Variants in CMIP observed in about 807,000 individuals in gnomAD.
The protein encoded by CMIP is C-Maf-inducing protein.
In CMIP, 13 loss-of-function variants were observed where a neutral mutation model predicts 97.3. That is an observed-to-expected ratio of 0.13 (90% CI 0.09 to 0.21). The LOEUF is 0.21. Ranked by LOEUF, CMIP falls within the 10% of genes least tolerant of loss-of-function variation. The pLI, the probability that CMIP is intolerant of heterozygous loss-of-function variation, is 1.00. For missense variants in CMIP, 847 were observed against 1,024.9 expected, an observed-to-expected ratio of 0.83 and a Z score of 2.37; for synonymous variants, 538 against 436.3, an observed-to-expected ratio of 1.23 and a Z score of -2.91.
chr16:81,650,599 G>A (rs1049483334), intron 3 of CMIP, among the ~76,000 whole-genome samples: 4 of 152,008 alleles, frequency 2.6e-5, no homozygotes, highest in Non-Finnish European at 4.4e-5. Context: ...TGGAGAGGAG[G>A]AAGATGGGAT....
chr16:81,479,184 C>T (rs889089607), intron 1 of CMIP, among the ~76,000 whole-genome samples: 10 of 152,188 alleles, frequency 6.6e-5, no homozygotes, highest in African/African-American at 2.4e-4. Context: ...GCGTAGCCTC[C>T]ATCCTGTTTG....
chr16:81,698,521 G>C (rs2317417), intron 14 of CMIP, among the ~76,000 whole-genome samples: 30,820 of 152,028 alleles, frequency 0.2, 3,167 homozygotes, highest in African/African-American at 0.21. Context: ...AAGTTTCTAC[G>C]TGGTTCCAGC....
chr16:81,691,540 G>A (rs1597256063), intron 10 of CMIP: 2 of 581,564 alleles, frequency 3.4e-6, no homozygotes, highest in East Asian at 5.8e-5. Flanking sequence ...GGAATAGACA[G>A]CTCACCCCCT....
At chr16:81,537,242 C>T (rs1597523829) in intron 1 of CMIP, among the ~76,000 whole-genome samples, 1 of 152,082 alleles carries the variant, frequency 6.6e-6, no homozygotes, top group Admixed American at 6.6e-5. Flanking sequence ...TGGATAGAAA[C>T]GCCCCATATA....
rs118054417 is a variant in CMIP, at chr16:81,486,483, C to T, written c.300+40942C>T. ...CAGTGGCAACTAGGAAATTGCACTT[C>T]GGGTCCTCGCTGGAGTTCATTCAGG... is the stretch of plus-strand genomic sequence containing the variant. On this transcript the variant is annotated intron_variant, in intron 1 of 20. Transcript: ENST00000537098. Among the ~76,000 whole-genome samples the T allele has an allele frequency of 2.5e-3, 384 of 152,292 alleles. 1 individual carries two copies. Among genetic ancestry groups the T allele is most frequent in the Non-Finnish European group, 4.0e-3 (270 of 68,020 alleles).
intron 10 of CMIP, among the ~76,000 whole-genome samples, chr16:81,688,849 C>T (rs1905725585): frequency 6.6e-6 from 1 of 152,182 alleles, no homozygotes; most frequent in African/African-American, 2.4e-5. Flanking sequence ...TGATGTTCCC[C>T]ACCCCGTGGC....
At position 81,614,462 on chromosome 16, in the gene CMIP, C is replaced by T. The variant is rs561531711; in HGVS notation, c.427-6414C>T. 2.6e-5 allele frequency among the ~76,000 whole-genome samples: 4 copies of T among 152,178 alleles called. No individual in the cohort carries two copies. In the South Asian group the frequency reaches 8.3e-4, roughly 32 times the overall value. ...TTGGCCTGTGTGCTTGCCAGGAGCCCGGAGGGAAGAGACCTGGAAATGACA... is the reference window on the plus strand; with the variant it reads ...TTGGCCTGTGTGCTTGCCAGGAGCCTGGAGGGAAGAGACCTGGAAATGACA... On this transcript the variant is annotated intron_variant, in intron 2 of 20. Transcript: ENST00000537098. This position sits in a 1 kb window ranked among gnomAD's most constrained non-coding sequence, Gnocchi z 5.3.
chr16:81,629,477 C>T (rs1567620395), intron 3 of CMIP, among the ~76,000 whole-genome samples: 1 of 152,220 alleles, frequency 6.6e-6, no homozygotes, highest in African/African-American at 2.4e-5. Flanking sequence ...ATCCCTTGGT[C>T]TTGAGGGAAG....
intron 9 of CMIP, among the ~76,000 whole-genome samples, chr16:81,672,334 T>G (rs1010988842): frequency 6.6e-6 from 1 of 152,240 alleles, no homozygotes; most frequent in Non-Finnish European, 1.5e-5. Flanking sequence ...ACAGATGTTT[T>G]ATGCTGAAGA....
At chr16:81,636,319 G>A (rs546590098) in intron 3 of CMIP, among the ~76,000 whole-genome samples, 21 of 152,166 alleles carry the variant, frequency 1.4e-4, no homozygotes, top group Admixed American at 3.9e-4. Flanking sequence ...GTGGTGGCTC[G>A]TGCCTGTAAT....
rs778368895 is a variant in CMIP, at chr16:81,627,969, C to A, written c.477+7043C>A. Among the ~76,000 whole-genome samples the A allele has an allele frequency of 6.6e-6, 1 of 152,146 alleles. No homozygotes were observed. The highest frequency in any genetic ancestry group is 1.5e-5 in the Non-Finnish European group (1 of 68,012). On this transcript the variant is annotated intron_variant, in intron 3 of 20. Coordinates refer to ENST00000537098, the MANE Select transcript of CMIP (RefSeq NM_198390.3). This position sits in a 1 kb window ranked among gnomAD's most constrained non-coding sequence, Gnocchi z 4.6. ...GGGCAGGGCCTGGGTCATGTCCCCA[C>A]TGGCTGCACCCTCAGGAGGGCGGGA... is the stretch of plus-strand genomic sequence containing the variant.
intron 1 of CMIP, among the ~76,000 whole-genome samples, chr16:81,587,188 T>G (rs1254777481): frequency 6.6e-6 from 1 of 152,200 alleles, no homozygotes; most frequent in Non-Finnish European, 1.5e-5. Context: ...GCATGACTCA[T>G]TACCACGGGG....
intron 1 of CMIP, among the ~76,000 whole-genome samples, chr16:81,560,306 C>T (rs1334731547): frequency 3.3e-5 from 5 of 151,514 alleles, no homozygotes; most frequent in African/African-American, 4.8e-5. Context: ...GCAAGCTCCG[C>T]CTCCCGGGTT....
intron 1 of CMIP, among the ~76,000 whole-genome samples, chr16:81,561,773 G>C (rs1370881267): frequency 2.0e-5 from 3 of 152,218 alleles, no homozygotes; most frequent in Admixed American, 2.0e-4. Flanking sequence ...GTAGCCATTG[G>C]AATTTAAATT....
At chr16:81,526,698 G>A (rs1206255306) in intron 1 of CMIP, among the ~76,000 whole-genome samples, 1 of 152,118 alleles carries the variant, frequency 6.6e-6, no homozygotes, top group African/African-American at 2.4e-5. Flanking sequence ...ACTACCAAGG[G>A]GTCCAAGGCA....
At chr16:81,580,388 C>A (rs942919534) in intron 1 of CMIP, among the ~76,000 whole-genome samples, 1 of 151,922 alleles carries the variant, frequency 6.6e-6, no homozygotes, top group East Asian at 1.9e-4. Context: ...TGAAATTGCC[C>A]ACTTAATTTA....
rs185076638 is a variant in CMIP at position 81,517,994 on chromosome 16, G to A, written c.300+72453G>A. The A allele has an allele frequency of 2.0e-4, 157 of 779,898 alleles. 2 individuals are homozygous for A. Among genetic ancestry groups the A allele is most frequent in the Non-Finnish European group, 2.2e-4 (140 of 642,112 alleles). The allele number at this position is 779,898 out of a possible 1,614,324, so 48.3% of individuals were successfully genotyped here. ...GGAATTTTTTCACAAAGTAAGTGAC[G>A]GGGGTCCCTTTGCACTTCTCATGCC... On this transcript the variant is annotated intron_variant, in intron 1 of 20. Transcript: ENST00000537098.
rs531870678 is a variant in CMIP at position 81,639,416 on chromosome 16, T to A, written c.478-12787T>A. Among the ~76,000 whole-genome samples, 336 of 152,028 alleles carry A rather than the reference T, an allele frequency of 2.2e-3. 4 individuals are homozygous for A. Among genetic ancestry groups the A allele is most frequent in the African/African-American group, 7.8e-3 (324 of 41,466 alleles). On this transcript the variant is annotated intron_variant, in intron 3 of 20. Transcript: ENST00000537098. ...TGGAAACTCTGTCCCCATTACCCCCTCCCCCAGCCCCTGGCATCCACCATT... is the reference window on the plus strand; with the variant it reads ...TGGAAACTCTGTCCCCATTACCCCCACCCCCAGCCCCTGGCATCCACCATT...
intron 19 of CMIP, among the ~76,000 whole-genome samples, chr16:81,706,665 C>T (rs958468767): frequency 3.9e-5 from 6 of 152,166 alleles, no homozygotes; most frequent in South Asian, 2.1e-4. Flanking sequence ...GGGGACCATC[C>T]GGGGTTCCCT....
Sources: allele counts gnomAD v4.1 joint callset (sites outside exome capture counted in the v4.1 genomes callset), GRCh38; gene constraint gnomAD v4.1.1; non-coding constraint Gnocchi (gnomAD v3.1); transcripts MANE v1.5; gene names NCBI Gene and HGNC (gene_info 2026-07-23, HGNC 2026-07-21).